Variants in PLCB1 observed in about 807,000 individuals in gnomAD.
The protein encoded by PLCB1 is 1-phosphatidylinositol 4,5-bisphosphate phosphodiesterase beta-1.
A neutral mutation model predicts 161.8 loss-of-function variants in PLCB1; 46 were observed. The observed-to-expected ratio is 0.28, with a 90% confidence interval of 0.22 to 0.36. The LOEUF (loss-of-function observed/expected upper bound fraction) is 0.36. Ranked by LOEUF, PLCB1 falls within the 10% of genes least tolerant of loss-of-function variation. The pLI is 1.00. For synonymous variants in PLCB1, 517 were observed against 503.7 expected, an observed-to-expected ratio of 1.03 and a Z score of -0.35; for missense variants, 1,016 against 1,472.5, an observed-to-expected ratio of 0.69 and a Z score of 5.07.
chr20:8,698,396 C>CT (rs200076132), intron 11 of PLCB1, among the ~76,000 whole-genome samples: 2,469 of 152,164 alleles, frequency 0.016, 80 homozygotes, highest in African/African-American at 0.057. Context: ...TTATGACTTG[C>CT]TTTTTTCACT....
intron 18 of PLCB1, among the ~76,000 whole-genome samples, chr20:8,731,562 T>C (rs973871047): frequency 6.6e-6 from 1 of 151,990 alleles, no homozygotes; most frequent in African/African-American, 2.4e-5. Flanking sequence ...ACACGGGTCC[T>C]ATTTGACTAA....
chr20:8,174,890 G>A (rs2051766888), intron 2 of PLCB1, among the ~76,000 whole-genome samples: 1 of 151,882 alleles, frequency 6.6e-6, no homozygotes, highest in Admixed American at 6.6e-5. Context: ...CCTACAAAAA[G>A]TTAAAAATAA....
At chr20:8,440,835 A>ATT (rs1448514503) in intron 3 of PLCB1, among the ~76,000 whole-genome samples, 9 of 150,852 alleles carry the variant, frequency 6.0e-5, no homozygotes, top group African/African-American at 2.0e-4. Flanking sequence ...AATGTTTTTG[A>ATT]TTTTATATAT....
chr20:8,461,589 C>T (rs532378734), intron 3 of PLCB1, among the ~76,000 whole-genome samples: 1 of 151,984 alleles, frequency 6.6e-6, no homozygotes, highest in African/African-American at 2.4e-5. Flanking sequence ...TCTTTTTTCC[C>T]CTAATTAGTT....
chr20:8,684,154 G>A (rs556674994), intron 9 of PLCB1, among the ~76,000 whole-genome samples: 4 of 151,976 alleles, frequency 2.6e-5, no homozygotes, highest in East Asian at 3.9e-4. Flanking sequence ...AAAGTGCTGG[G>A]ATTACAGGCG....
At chr20:8,162,820 A>G (rs931618015) in intron 2 of PLCB1, among the ~76,000 whole-genome samples, 1 of 152,220 alleles carries the variant, frequency 6.6e-6, no homozygotes, top group East Asian at 1.9e-4. Context: ...AATGGATTCT[A>G]TTTTTAGATG....
intron 3 of PLCB1, among the ~76,000 whole-genome samples, chr20:8,469,306 G>A (rs1204641648): frequency 6.6e-6 from 1 of 152,138 alleles, no homozygotes; most frequent in Non-Finnish European, 1.5e-5. Flanking sequence ...GGAGAACAAA[G>A]TATGCTTAGA....
intron 18 of PLCB1, among the ~76,000 whole-genome samples, chr20:8,730,898 T>G (rs1980204364): frequency 6.6e-6 from 1 of 151,786 alleles, no homozygotes; most frequent in African/African-American, 2.4e-5. Flanking sequence ...TATAAATGAT[T>G]GTATTTTACA....
At chr20:8,845,310 T>C (rs1460787544) in intron 31 of PLCB1, among the ~76,000 whole-genome samples, 1 of 152,092 alleles carries the variant, frequency 6.6e-6, no homozygotes, top group Admixed American at 6.5e-5. Flanking sequence ...TTGCTTCATA[T>C]AGTTTGAAGG....
intron 3 of PLCB1, among the ~76,000 whole-genome samples, chr20:8,546,134 G>T (rs950808167): frequency 2.6e-5 from 4 of 151,792 alleles, no homozygotes; most frequent in Admixed American, 2.6e-4. Context: ...GGCCAATATG[G>T]TGAAACCCCG....
chr20:8,647,818 C>A, intron 5 of PLCB1, 82 bp from the exon 6 acceptor site: 1 of 1,072,276 alleles, frequency 9.3e-7, no homozygotes, highest in Non-Finnish European at 1.4e-6. Context: ...AAGGCATGGG[C>A]TTTTTTGAGT....
chr20:8,356,896 G>A (rs1458497774), intron 2 of PLCB1, among the ~76,000 whole-genome samples: 2 of 152,152 alleles, frequency 1.3e-5, no homozygotes, highest in African/African-American at 2.4e-5. Context: ...AGACTTTAAG[G>A]AAAAGCACTA....
Position 8,649,570 on chromosome 20 carries a change from C to T in PLCB1, c.594+121C>T, listed in dbSNP as rs1443316236. On this transcript the variant is annotated intron_variant, in intron 7 of 31. Transcript: ENST00000338037. The stretch of plus-strand genomic sequence containing the variant: ...CCTTTAAGAGGAAATTAAGAGCTTC[C>T]ATGATTAATGGGTTAATGAATTAAT... 7 of 707,894 alleles carry T rather than the reference C, an allele frequency of 9.9e-6. No individual in the cohort carries two copies. The East Asian group carries it at 1.5e-4, about 15-fold the overall frequency. 43.9% of individuals were successfully genotyped at this position (707,894 alleles called of 1,614,324 possible).
chr20:8,363,462 T>C (rs551195955), intron 2 of PLCB1, among the ~76,000 whole-genome samples: 2 of 152,292 alleles, frequency 1.3e-5, no homozygotes, highest in Non-Finnish European at 2.9e-5. Flanking sequence ...GATTAGTGTC[T>C]CTGCTGCTTC....
intron 2 of PLCB1, among the ~76,000 whole-genome samples, chr20:8,230,032 G>T (rs951350866): frequency 2.0e-4 from 26 of 129,386 alleles, no homozygotes; most frequent in African/African-American, 7.1e-4. Context: ...CTTCAGCCTC[G>T]GCAACAGAGT....
At chr20:8,785,973 ACTT>A (rs1432254999) in intron 27 of PLCB1, among the ~76,000 whole-genome samples, 1 of 152,124 alleles carries the variant, frequency 6.6e-6, no homozygotes, top group Admixed American at 6.5e-5. Context: ...ACAACCTCCC[ACTT>A]CAAGTCTGGC....
At chr20:8,278,172 CAAGT>C (rs537984675) in intron 2 of PLCB1, among the ~76,000 whole-genome samples, 143 of 143,320 alleles carry the variant, frequency 1.0e-3, no homozygotes, top group African/African-American at 3.6e-3. Context: ...TTAAACTCTT[CAAGT>C]ACATTGGTAA....
chr20:8,256,235 A>G (rs1465428233), intron 2 of PLCB1, among the ~76,000 whole-genome samples: 2 of 152,142 alleles, frequency 1.3e-5, no homozygotes, highest in Non-Finnish European at 2.9e-5. Context: ...AGTAACTTCA[A>G]CAACAACCAT....
intron 3 of PLCB1, among the ~76,000 whole-genome samples, chr20:8,573,215 A>T (rs537486715): frequency 6.6e-6 from 1 of 152,316 alleles, no homozygotes; most frequent in South Asian, 2.1e-4. Context: ...AAATGTCATT[A>T]TTGGATTTGC....
Sources: gnomAD v4.1 joint callset for allele counts (sites outside exome capture counted in the v4.1 genomes callset) on GRCh38, gnomAD v4.1.1 for gene constraint, MANE v1.5 for transcripts, NCBI Gene and HGNC (gene_info 2026-07-23, HGNC 2026-07-21) for gene names.